SHISA9: variants seen among roughly 807,000 people sequenced by gnomAD.
SHISA9 encodes the protein protein shisa-9.
In SHISA9, 13 loss-of-function variants were observed where a neutral mutation model predicts 38.0. The ratio of observed to expected loss-of-function variants is 0.34; its 90% CI spans 0.22 to 0.54. The LOEUF (loss-of-function observed/expected upper bound fraction) is 0.54, where lower values mean the gene tolerates loss of function less well. SHISA9 is among the 20% of genes least tolerant of loss of function. SHISA9 has a pLI of 0.91. For synonymous variants in SHISA9, 275 were observed against 242.0 expected (o/e 1.14, Z -1.27); for missense variants, 538 against 575.8 (o/e 0.93, Z 0.67).
chr16:13,427,145 A>G, the SHISA9 span, among the ~76,000 whole-genome samples: 1 of 152,244 alleles, frequency 6.6e-6, no homozygotes, highest in Non-Finnish European at 1.5e-5. Context: ...TCTGGAGAGC[A>G]TATGACTTCA....
chr16:12,917,723 C>A (rs1273555836), intron 2 of SHISA9, among the ~76,000 whole-genome samples: 1 of 152,146 alleles, frequency 6.6e-6, no homozygotes, highest in Non-Finnish European at 1.5e-5. Flanking sequence ...TTTAAAATAA[C>A]AAAAGCCAGA....
the SHISA9 span, among the ~76,000 whole-genome samples, chr16:13,247,691 G>A: frequency 1.3e-5 from 2 of 152,144 alleles, no homozygotes; most frequent in Non-Finnish European, 2.9e-5. Context: ...GTGCTGTGTT[G>A]TACAGTTCAA....
At chr16:12,997,038 A>T (rs1467939182) in intron 2 of SHISA9, among the ~76,000 whole-genome samples, 1 of 152,190 alleles carries the variant, frequency 6.6e-6, no homozygotes, top group Non-Finnish European at 1.5e-5. Context: ...TAAATCAATA[A>T]GTTTTGAAAC....
intron 2 of SHISA9, among the ~76,000 whole-genome samples, chr16:13,103,319 A>T (rs1362615718): frequency 6.6e-6 from 1 of 152,208 alleles, no homozygotes; most frequent in Non-Finnish European, 1.5e-5. Context: ...GAGTTTCATG[A>T]TTTATCTTTC....
chr16:13,383,382 T>G, the SHISA9 span, among the ~76,000 whole-genome samples: 1 of 152,204 alleles, frequency 6.6e-6, no homozygotes, highest in Non-Finnish European at 1.5e-5. Flanking sequence ...AGATCTGATA[T>G]GGAATGATCT....
chr16:13,135,970 C>A (rs17243115), intron 2 of SHISA9, among the ~76,000 whole-genome samples: 11,192 of 152,234 alleles, frequency 0.074, 524 homozygotes, highest in Middle Eastern at 0.15. Context: ...CCATTTGAAA[C>A]TGAGAGTTCT....
At chr16:13,179,587 G>A (rs1211283846) in intron 2 of SHISA9, among the ~76,000 whole-genome samples, 5 of 152,196 alleles carry the variant, frequency 3.3e-5, no homozygotes, top group Non-Finnish European at 7.3e-5. Flanking sequence ...AGGTGATTGA[G>A]GAGAAATCCT....
chr16:13,361,450 C>G, the SHISA9 span, among the ~76,000 whole-genome samples: 3 of 152,204 alleles, frequency 2.0e-5, no homozygotes, highest in African/African-American at 7.2e-5. Flanking sequence ...CATTGGGTAT[C>G]TGCTGTGTGC....
chr16:13,547,509 C>T, the SHISA9 span, among the ~76,000 whole-genome samples: 1 of 152,114 alleles, frequency 6.6e-6, no homozygotes, highest in Non-Finnish European at 1.5e-5. Context: ...GAACCAGGAT[C>T]TCTGATATAC....
At chr16:12,957,716 G>A (rs2071854748) in intron 2 of SHISA9, among the ~76,000 whole-genome samples, 1 of 152,052 alleles carries the variant, frequency 6.6e-6, no homozygotes, top group Non-Finnish European at 1.5e-5. Context: ...TAAACTAAGA[G>A]GGTTAAACAA....
the SHISA9 span, among the ~76,000 whole-genome samples, chr16:13,274,080 C>T: frequency 6.6e-6 from 1 of 152,110 alleles, no homozygotes; most frequent in South Asian, 2.1e-4. Context: ...AGATATTTGT[C>T]TAGACAAGTA....
intron 2 of SHISA9, among the ~76,000 whole-genome samples, chr16:13,123,273 G>T: frequency 6.6e-6 from 1 of 152,234 alleles, no homozygotes; most frequent in East Asian, 1.9e-4. Context: ...GGGAAGCGGG[G>T]CAGGCAGGAA....
intron 2 of SHISA9, among the ~76,000 whole-genome samples, chr16:13,027,302 T>A (rs1233146604): frequency 6.6e-6 from 1 of 152,210 alleles, no homozygotes; most frequent in Admixed American, 6.5e-5. Flanking sequence ...CAACTAATAA[T>A]ATTTATTGGG....
At chr16:13,116,710 G>C (rs1375356224) in intron 2 of SHISA9, among the ~76,000 whole-genome samples, 1 of 152,196 alleles carries the variant, frequency 6.6e-6, no homozygotes, top group Non-Finnish European at 1.5e-5. Context: ...TCTAGACTGA[G>C]TGTCAGTTTC....
intron 2 of SHISA9, 164 bp from the exon 3 acceptor site, chr16:13,203,230 A>G (rs2051023104): frequency 9.6e-6 from 5 of 521,516 alleles, no homozygotes; most frequent in South Asian, 1.2e-4. Context: ...AGTGAAGACT[A>G]TGAACTCAAT....
At chr16:13,549,995 C>T in the SHISA9 span, among the ~76,000 whole-genome samples, 5 of 146,178 alleles carry the variant, frequency 3.4e-5, no homozygotes, top group East Asian at 4.0e-4. Flanking sequence ...TGCACTCCAG[C>T]GTGGGCAACA....
chr16:13,341,582 G>A, the SHISA9 span, among the ~76,000 whole-genome samples: 7 of 152,126 alleles, frequency 4.6e-5, no homozygotes, highest in Admixed American at 2.0e-4. Flanking sequence ...CTACTCTGAC[G>A]CAGCAGACAA....
rs1348912160 is a variant in SHISA9, at chr16:13,003,601, TAATCCCAGC to T, written c.691+86788_691+86796del. Among the ~76,000 whole-genome samples the T allele has an allele frequency of 3.3e-5, 5 of 152,306 alleles. No individual in the cohort carries two copies. In the East Asian group the frequency reaches 9.7e-4, roughly 29 times the overall value. ...AGGCTGGGCTGGTGGCTCACGCCTG[TAATCCCAGC>T]ATTTTGGGAGGCCAGAGTGGGTGGA... On this transcript the variant is annotated intron_variant, in intron 2 of 4. Coordinates refer to ENST00000558583, the MANE Select transcript of SHISA9 (RefSeq NM_001145204.3).
chr16:13,147,461 CTTTTTTTTTTTT>C (rs55972023), intron 2 of SHISA9, among the ~76,000 whole-genome samples: 3 of 65,086 alleles, frequency 4.6e-5, no homozygotes, highest in African/African-American at 1.7e-4. Flanking sequence ...GTAAACTGAG[CTTTTTTTTTTTT>C]TTTTTTTTTT....
Sources: gnomAD v4.1 joint callset for allele counts (sites outside exome capture counted in the v4.1 genomes callset) on GRCh38, gnomAD v4.1.1 for gene constraint, MANE v1.5 for transcripts, NCBI Gene and HGNC (gene_info 2026-07-23, HGNC 2026-07-21) for gene names.